Variants in COBL observed in about 807,000 individuals in gnomAD.
COBL encodes protein cordon-bleu.
A neutral mutation model predicts 98.8 loss-of-function variants in COBL; 51 were observed. The ratio of observed to expected loss-of-function variants is 0.52; its 90% confidence interval spans 0.41 to 0.65. The LOEUF (loss-of-function observed/expected upper bound fraction) is 0.65. COBL is among the 30% of genes least tolerant of loss of function. The pLI is 0.00. For missense variants in COBL, 1,617 were observed against 1,617.5 expected (o/e 1.00, Z 0.01); for synonymous variants, 634 against 651.7 (o/e 0.97, Z 0.41).
chr7:51,204,110 G>A (rs574399634), intron 2 of COBL, among the ~76,000 whole-genome samples: 2 of 152,114 alleles, frequency 1.3e-5, no homozygotes, highest in African/African-American at 4.8e-5. Flanking sequence ...TCAACACAAG[G>A]AAACATAGAA....
intron 7 of COBL, among the ~76,000 whole-genome samples, chr7:51,055,212 G>T (rs1205214985): frequency 6.6e-6 from 1 of 152,146 alleles, no homozygotes; most frequent in African/African-American, 2.4e-5. Context: ...GTCTCCAGGG[G>T]CCCCAGCGCG....
rs193225164 is a variant in COBL at position 51,197,309 on chromosome 7, A to G, written c.246-3720T>C. Among the ~76,000 whole-genome samples the G allele has an allele frequency of 7.9e-5, 12 of 151,938 alleles. No homozygotes were observed. In the East Asian group the frequency reaches 2.3e-3, roughly 29 times the overall value. On this transcript the variant is annotated intron_variant, in intron 2 of 12. Coordinates refer to ENST00000265136, the MANE Select transcript of COBL (RefSeq NM_015198.5). ...AAGTAAGTCAGGAGCAGATTATTCA[A>G]TTTCCATGTAATTGTATGGTTTTGA...
At chr7:51,027,488 T>C (rs527511378) in intron 10 of COBL, among the ~76,000 whole-genome samples, 6 of 152,320 alleles carry the variant, frequency 3.9e-5, no homozygotes, top group African/African-American at 1.4e-4. Context: ...CTGAAGTCAG[T>C]GTGGACTAGC....
At chr7:51,054,676 C>T (rs767792532) in intron 7 of COBL, among the ~76,000 whole-genome samples, 10 of 152,184 alleles carry the variant, frequency 6.6e-5, no homozygotes, top group Non-Finnish European at 1.3e-4. Context: ...CCAGCCTCCT[C>T]AGAAGCCCCC....
At chr7:51,303,574 G>A (rs1397972468) in intron 1 of COBL, among the ~76,000 whole-genome samples, 1 of 152,122 alleles carries the variant, frequency 6.6e-6, no homozygotes, top group Admixed American at 6.5e-5. Flanking sequence ...ATTCCACAAG[G>A]AAGTGTGTCA....
chr7:51,209,603 C>T (rs144381075), intron 2 of COBL, among the ~76,000 whole-genome samples: 32 of 152,300 alleles, frequency 2.1e-4, no homozygotes, highest in Non-Finnish European at 4.0e-4. Context: ...GCATAGCGAA[C>T]AGACTTCTTA....
chr7:51,053,084 C>T (rs1790389689), intron 7 of COBL, among the ~76,000 whole-genome samples: 1 of 152,118 alleles, frequency 6.6e-6, no homozygotes, highest in Non-Finnish European at 1.5e-5. Context: ...TCTGAGCTCT[C>T]CTAGTGTTTA....
At chr7:51,051,311 GA>G (rs1176721984) in intron 7 of COBL, among the ~76,000 whole-genome samples, 32 of 152,020 alleles carry the variant, frequency 2.1e-4, no homozygotes, top group Admixed American at 2.1e-3. Flanking sequence ...TTTATCTGTG[GA>G]TTTTTAAAAT....
chr7:51,086,692 C>A (rs1794291384), intron 6 of COBL, among the ~76,000 whole-genome samples: 1 of 151,966 alleles, frequency 6.6e-6, no homozygotes, highest in African/African-American at 2.4e-5. Flanking sequence ...ATCAGCAGTA[C>A]ACATTTATTG....
In COBL at chr7:51,108,958, C is replaced by CACACACACACACACACACACACA. The variant is rs1562923478; in HGVS notation, c.958-23655_958-23654insTGTGTGTGTGTGTGTGTGTGTGT. ...CACACACACACACACACACACACAC[C>CACACACACACACACACACACACA]CCCTGCCCCATGAAGTTTACTGAAA... On this transcript the variant is annotated intron_variant, in intron 6 of 12. Transcript: ENST00000265136. 1.4e-3 allele frequency among the ~76,000 whole-genome samples: 114 copies of CACACACACACACACACACACACA among 84,026 alleles called. 1 individual carries two copies. Among genetic ancestry groups the CACACACACACACACACACACACA allele is most frequent in the Non-Finnish European group, 2.0e-3 (83 of 41,114 alleles). The allele number at this position is 84,026 out of a possible 152,430, so 55.1% of individuals were successfully genotyped here.
At chr7:51,149,160 A>T (rs748605915) in intron 5 of COBL, among the ~76,000 whole-genome samples, 5 of 152,180 alleles carry the variant, frequency 3.3e-5, no homozygotes, top group Non-Finnish European at 5.9e-5. Context: ...TCTGTGAGGC[A>T]ATGTGAAGTG....
chr7:51,170,362 G>GT (rs1391893704), intron 5 of COBL, among the ~76,000 whole-genome samples: 3 of 151,628 alleles, frequency 2.0e-5, no homozygotes, highest in Admixed American at 1.3e-4. Flanking sequence ...TATAATTACT[G>GT]TAATTATAAA....
intron 7 of COBL, among the ~76,000 whole-genome samples, chr7:51,073,981 C>T (rs1292475627): frequency 6.6e-6 from 1 of 152,078 alleles, no homozygotes; most frequent in Non-Finnish European, 1.5e-5. Context: ...TAGTGGGAGA[C>T]TGACCTGTGG....
chr7:51,226,548 A>AGTG (rs201062705), intron 1 of COBL, among the ~76,000 whole-genome samples: 7 of 61,164 alleles, frequency 1.1e-4, no homozygotes, highest in African/African-American at 2.9e-4. Flanking sequence ...GTGAGTGAGT[A>AGTG]AGTGAGTGAC....
At chr7:51,131,176 T>C (rs1029317288) in intron 6 of COBL, among the ~76,000 whole-genome samples, 2 of 152,214 alleles carry the variant, frequency 1.3e-5, no homozygotes, top group Non-Finnish European at 2.9e-5. Context: ...TGGAATTTTA[T>C]AGTGTTGAAC....
chr7:51,190,734 T>C (rs993456102), intron 4 of COBL, 116 bp downstream of exon 4: 2 of 781,960 alleles, frequency 2.6e-6, no homozygotes, highest in Non-Finnish European at 4.2e-6. Context: ...TGGAACTTCA[T>C]GTACCCATCT....
chr7:51,204,987 A>G lies in COBL; in HGVS notation c.246-11398T>C, dbSNP rs142985924. ...GAAAGATTGGTACACTGAACATTAT[A>G]ATACATTGATGAAAGAAATCAAAGG... On this transcript the variant is annotated intron_variant, in intron 2 of 12. Transcript: ENST00000265136. Among the ~76,000 whole-genome samples the G allele has an allele frequency of 7.3e-3, 1,114 of 152,344 alleles. 13 individuals carry two copies. The highest frequency in any genetic ancestry group is 0.026 in the African/African-American group (1,082 of 41,582).
intron 7 of COBL, chr7:51,071,966 G>C (rs1792599589): frequency 6.7e-6 from 1 of 149,448 alleles, no homozygotes; most frequent in Non-Finnish European, 1.5e-5. Flanking sequence ...AGTAATTTCT[G>C]TAACTTTCTG....
At chr7:51,271,142 G>A (rs994948643) in intron 1 of COBL, among the ~76,000 whole-genome samples, 1 of 152,196 alleles carries the variant, frequency 6.6e-6, no homozygotes, top group Non-Finnish European at 1.5e-5. Context: ...CTCAGTGCGT[G>A]TCACCTGTCC....
Sources: allele counts gnomAD v4.1 joint callset (sites outside exome capture counted in the v4.1 genomes callset), GRCh38; gene constraint gnomAD v4.1.1; transcripts MANE v1.5; gene names NCBI Gene and HGNC (gene_info 2026-07-23, HGNC 2026-07-21).